DOCK3: variants seen among roughly 807,000 people sequenced by gnomAD.
DOCK3 encodes the protein dedicator of cytokinesis 3.
A neutral mutation model predicts 265.6 loss-of-function variants in DOCK3; 60 were observed. The observed-to-expected ratio is 0.23, with a 90% CI of 0.18 to 0.28. The LOEUF (loss-of-function observed/expected upper bound fraction) is 0.28, where lower values mean the gene tolerates loss of function less well. Ranked by LOEUF, DOCK3 falls within the 10% of genes least tolerant of loss-of-function variation. The pLI is 1.00. For missense variants in DOCK3, 1,981 were observed against 2,594.3 expected (o/e 0.76, Z 5.14); for synonymous variants, 881 against 938.0 (o/e 0.94, Z 1.11).
chr3:50,792,792 T>C (rs1026780861), intron 2 of DOCK3, among the ~76,000 whole-genome samples: 6 of 152,234 alleles, frequency 3.9e-5, no homozygotes, highest in African/African-American at 1.4e-4. Context: ...TTGGTCATAG[T>C]GGATAAGCTT....
chr3:51,082,550 C>T (rs2082278432), intron 7 of DOCK3, among the ~76,000 whole-genome samples: 1 of 152,192 alleles, frequency 6.6e-6, no homozygotes, highest in Non-Finnish European at 1.5e-5. Flanking sequence ...CTGATAGCAA[C>T]CCTGCTCCCT....
intron 12 of DOCK3, among the ~76,000 whole-genome samples, chr3:51,168,453 C>G (rs1419527641): frequency 6.6e-6 from 1 of 152,178 alleles, no homozygotes; most frequent in Non-Finnish European, 1.5e-5. Context: ...CTACAACAAT[C>G]TGATCTTCAA....
intron 5 of DOCK3, among the ~76,000 whole-genome samples, chr3:51,063,102 G>A (rs140076234): frequency 1.7e-4 from 26 of 152,250 alleles, no homozygotes; most frequent in African/African-American, 5.5e-4. Flanking sequence ...GTCTAATGGG[G>A]CCAGGTGTGG....
chr3:50,778,693 G>A lies in DOCK3; in HGVS notation c.56G>A (p.Gly19Glu), dbSNP rs1358043686. 3.8e-6 allele frequency: 6 copies of A among 1,587,390 alleles called. No individual in the cohort carries two copies. Among genetic ancestry groups the A allele is most frequent in the Non-Finnish European group, 5.1e-6 (6 of 1,165,842 alleles). ...KYGVVICSFR[G>E]SVPQGLVLEI... ...TTTCTAGTGATATGCAGCTTTCGAG[G>A]ATCTGTCCCTCAAGGGTTGGTCTTA... The change falls in exon 2 of 53, where the codon GGA becomes GAA. Residue 19 changes from glycine to glutamate, a missense_variant. Coordinates refer to ENST00000266037, the MANE Select transcript of DOCK3 (RefSeq NM_004947.5).
rs200053589 is a variant in DOCK3, at chr3:51,356,424, T to A, written c.4434T>A (p.Arg1478=). 1 of 1,613,158 alleles carries A rather than the reference T, an allele frequency of 6.2e-7. No homozygotes were observed. Among genetic ancestry groups the A allele is most frequent in the African/African-American group, 1.3e-5 (1 of 74,760 alleles). The change falls in exon 43 of 53, where the codon CGT becomes CGA. Residue 1478 remains arginine (R), a synonymous_variant. Coordinates refer to ENST00000266037, the MANE Select transcript of DOCK3 (RefSeq NM_004947.5). ...CCCTACAGAGCCTGTGGATTGAACGTACCACACTGACCCTGACCCACAGCT... is the reference window on the plus strand; with the variant it reads ...CCCTACAGAGCCTGTGGATTGAACGAACCACACTGACCCTGACCCACAGCT... ...ENEFKSLWIE[R]TTLTLTHSLP...
At chr3:51,000,591 A>G (rs559936378) in intron 5 of DOCK3, among the ~76,000 whole-genome samples, 3 of 152,330 alleles carry the variant, frequency 2.0e-5, no homozygotes, top group African/African-American at 7.2e-5. Flanking sequence ...TGATTCTAAT[A>G]GTTTCTTCTT....
At chr3:50,983,182 A>G (rs982029661) in intron 5 of DOCK3, among the ~76,000 whole-genome samples, 4 of 151,920 alleles carry the variant, frequency 2.6e-5, no homozygotes, top group African/African-American at 9.7e-5. Flanking sequence ...CACAGGGGGT[A>G]GGGATGAGGT....
chr3:51,376,585 T>G (rs1306810775), intron 51 of DOCK3, among the ~76,000 whole-genome samples: 1 of 152,184 alleles, frequency 6.6e-6, no homozygotes. Context: ...ACCCAGAACC[T>G]GGCCTCATAT....
chr3:51,128,178 A>G (rs1196200365), intron 9 of DOCK3, among the ~76,000 whole-genome samples: 1 of 152,206 alleles, frequency 6.6e-6, no homozygotes, highest in Non-Finnish European at 1.5e-5. Context: ...TGTGGGAACA[A>G]GAAGCAAAAA....
rs577824140 is a variant in DOCK3 at position 50,830,263 on chromosome 3, A to G, written c.122-11412A>G. Among the ~76,000 whole-genome samples the G allele has an allele frequency of 3.5e-4, 54 of 152,258 alleles. 1 individual carries two copies. The highest frequency in any genetic ancestry group is 1.9e-4 in the East Asian group (1 of 5,184). Reference sequence around the variant, plus strand: ...TTTGTTTTTGGCTCTTGAATTTACAATTGGTTGCTTAAATGATGTCTAAAG... The same window carrying G: ...TTTGTTTTTGGCTCTTGAATTTACAGTTGGTTGCTTAAATGATGTCTAAAG... On this transcript the variant is annotated intron_variant, in intron 2 of 52. Transcript: ENST00000266037.
chr3:50,981,530 C>T (rs2077688282), intron 5 of DOCK3, among the ~76,000 whole-genome samples: 1 of 152,186 alleles, frequency 6.6e-6, no homozygotes, highest in Admixed American at 6.5e-5. Flanking sequence ...CCATCCAATG[C>T]TGAGAGTGGG....
intron 1 of DOCK3, among the ~76,000 whole-genome samples, chr3:50,722,931 C>G (rs1049798258): frequency 8.6e-5 from 13 of 151,988 alleles, no homozygotes; most frequent in African/African-American, 2.9e-4. Flanking sequence ...GCCACCACAC[C>G]CAGCTAATTT....
intron 7 of DOCK3, among the ~76,000 whole-genome samples, chr3:51,088,799 T>G (rs1329387262): frequency 6.6e-6 from 1 of 152,230 alleles, no homozygotes; most frequent in Non-Finnish European, 1.5e-5. Context: ...TCTTCTCATT[T>G]CAGCCAGCCA....
chr3:50,863,565 ATCCCATGTCCT>A, intron 3 of DOCK3: 3 of 380,360 alleles, frequency 7.9e-6, no homozygotes, highest in Non-Finnish European at 1.5e-5. Flanking sequence ...TCCTTTTTGC[ATCCCATGTCCT>A]TCCCATGGCT....
At chr3:50,946,594 C>A (rs1201936819) in intron 5 of DOCK3, among the ~76,000 whole-genome samples, 1 of 152,142 alleles carries the variant, frequency 6.6e-6, no homozygotes, top group Non-Finnish European at 1.5e-5. Context: ...GTGTGTACAG[C>A]TAAAAAGTAT....
chr3:51,299,168 TC>T (rs1198026485), intron 27 of DOCK3, among the ~76,000 whole-genome samples: 7 of 152,238 alleles, frequency 4.6e-5, no homozygotes, highest in Non-Finnish European at 1.0e-4. Context: ...TCTCTAATGA[TC>T]AGTGATGTTC....
intron 27 of DOCK3, among the ~76,000 whole-genome samples, chr3:51,284,600 T>C (rs1035070860): frequency 6.6e-6 from 1 of 152,208 alleles, no homozygotes; most frequent in Non-Finnish European, 1.5e-5. Context: ...AAGGGTCTCA[T>C]GGCACATAAT....
At chr3:50,760,340 C>G (rs1293961053) in intron 1 of DOCK3, among the ~76,000 whole-genome samples, 1 of 152,130 alleles carries the variant, frequency 6.6e-6, no homozygotes, top group Non-Finnish European at 1.5e-5. Flanking sequence ...AAGATCACAA[C>G]TGATTTTTAT....
intron 12 of DOCK3, among the ~76,000 whole-genome samples, chr3:51,184,668 A>G (rs2087494588): frequency 6.6e-6 from 1 of 152,244 alleles, no homozygotes; most frequent in East Asian, 1.9e-4. Flanking sequence ...TCTTATGTAG[A>G]AGAATTTCAA....
Sources: allele counts gnomAD v4.1 joint callset (sites outside exome capture counted in the v4.1 genomes callset), GRCh38; gene constraint gnomAD v4.1.1; transcripts MANE v1.5; gene names NCBI Gene and HGNC (gene_info 2026-07-23, HGNC 2026-07-21).